Variants in INO80 observed in about 807,000 individuals in gnomAD.
INO80 encodes INO80 complex ATPase subunit, also known as chromatin-remodeling ATPase INO80.
INO80 carries 20 observed loss-of-function variants against 203.4 expected under a neutral mutation model. That is an observed-to-expected ratio of 0.10 (90% CI 0.07 to 0.14). The LOEUF (loss-of-function observed/expected upper bound fraction) is 0.14, where lower values mean the gene tolerates loss of function less well. Among genes scored for constraint, INO80 ranks in the 10% least tolerant of loss-of-function variants. The pLI is 1.00. For synonymous variants in INO80, 726 were observed against 685.2 expected, an observed-to-expected ratio of 1.06 and a Z score of -0.93; for missense variants, 1,419 against 1,914.4, an observed-to-expected ratio of 0.74 and a Z score of 4.83.
intron 25 of INO80, among the ~76,000 whole-genome samples, chr15:41,025,691 G>A (rs891589820): frequency 2.0e-5 from 3 of 152,022 alleles, no homozygotes; most frequent in Admixed American, 2.0e-4. Flanking sequence ...CTCCAGCCTG[G>A]GTGAGAGAGC....
At position 41,047,402 on chromosome 15, in the gene INO80, T is replaced by C. The variant is rs1403650739; in HGVS notation, c.2735+6A>G. 1 of 1,606,128 alleles carries C rather than the reference T, an allele frequency of 6.2e-7. No homozygotes were observed. Among genetic ancestry groups the C allele is most frequent in the Non-Finnish European group, 8.5e-7 (1 of 1,173,284 alleles). On this transcript the variant is annotated splice_donor_region_variant and intron_variant, in intron 23 of 35. Transcript: ENST00000648947. ...CCTCTTATCAAGCAATAAGCAAACC[T>C]CTCACCTGGCCAAAAGTCCCTGAAG...
intron 1 of INO80, among the ~76,000 whole-genome samples, chr15:41,100,534 A>G (rs574362060): frequency 2.0e-5 from 3 of 152,306 alleles, no homozygotes; most frequent in Admixed American, 6.5e-5. Flanking sequence ...CAACTGATTC[A>G]TCCCAGAAAT....
intron 1 of INO80, among the ~76,000 whole-genome samples, chr15:41,102,107 C>T (rs756464214): frequency 1.2e-4 from 18 of 152,026 alleles, no homozygotes; most frequent in Non-Finnish European, 2.6e-4. Flanking sequence ...AGGAGAATCG[C>T]TTGAACCTGG....
chr15:41,107,747 C>T (rs1450131052), intron 1 of INO80, among the ~76,000 whole-genome samples: 1 of 152,080 alleles, frequency 6.6e-6, no homozygotes, highest in Non-Finnish European at 1.5e-5. Flanking sequence ...TGGCAGTGAG[C>T]TGAGACCATG....
Position 41,084,174 on chromosome 15 carries a change from T to C in INO80, c.873+1195A>G, listed in dbSNP as rs530794388. 2.2e-4 allele frequency among the ~76,000 whole-genome samples: 34 copies of C among 151,668 alleles called. 1 individual carries two copies. The highest frequency in any genetic ancestry group is 7.8e-4 in the African/African-American group (32 of 41,184). The stretch of plus-strand genomic sequence containing the variant: ...TCACTTAAGGGTAAACAGACATTCC[T>C]TGGACTATAATTGCAACTTCTTTAA... On this transcript the variant is annotated intron_variant, in intron 7 of 35. Transcript: ENST00000648947.
intron 1 of INO80, among the ~76,000 whole-genome samples, chr15:41,098,685 G>C (rs939288860): frequency 1.3e-5 from 2 of 151,912 alleles, no homozygotes; most frequent in African/African-American, 4.8e-5. Flanking sequence ...ATGAAGACAA[G>C]CCACAGACTA....
At chr15:41,010,368 C>G (rs1327975798) in intron 27 of INO80, among the ~76,000 whole-genome samples, 5 of 151,988 alleles carry the variant, frequency 3.3e-5, no homozygotes, top group Non-Finnish European at 7.4e-5. Flanking sequence ...TCTTCATGAT[C>G]TGTTCTGTAA....
intron 19 of INO80, among the ~76,000 whole-genome samples, chr15:41,050,402 G>A (rs774341392): frequency 6.6e-6 from 1 of 152,070 alleles, no homozygotes; most frequent in East Asian, 1.9e-4. Context: ...ACATAACCCA[G>A]GCCAGTACCT....
At position 41,013,071 on chromosome 15, in the gene INO80, CATA is replaced by C. The variant is rs2044154391; in HGVS notation, c.3402+3014_3402+3016del. On this transcript the variant is annotated intron_variant, in intron 27 of 35. Transcript: ENST00000648947. ...CAGACAGCCAGCCATGGCTAAGGCACATAACAACAACAACAACAACAACAACAA... is the reference window on the plus strand; with the variant it reads ...CAGACAGCCAGCCATGGCTAAGGCACACAACAACAACAACAACAACAACAA... 3 of 44,742 alleles carry C rather than the reference CATA, an allele frequency of 6.7e-5. No homozygotes were observed. The Admixed American group carries it at 9.5e-4, about 14-fold the overall frequency. 2.8% of individuals were successfully genotyped at this position (44,742 alleles called of 1,614,324 possible).
chr15:41,026,081 A>G (rs1351091661), intron 25 of INO80, among the ~76,000 whole-genome samples: 2 of 152,258 alleles, frequency 1.3e-5, no homozygotes, highest in Non-Finnish European at 2.9e-5. Flanking sequence ...CATATAGCAC[A>G]GGAGCAGCAG....
intron 24 of INO80, among the ~76,000 whole-genome samples, chr15:41,035,901 G>C (rs2044565480): frequency 6.7e-6 from 1 of 149,744 alleles, no homozygotes; most frequent in Non-Finnish European, 1.5e-5. Context: ...GGCCAAGGTG[G>C]GCAGATCACT....
At chr15:41,087,840 T>C (rs1186274981) in intron 5 of INO80, among the ~76,000 whole-genome samples, 158 bp from the exon 6 acceptor site, 1 of 152,122 alleles carries the variant, frequency 6.6e-6, no homozygotes, top group Non-Finnish European at 1.5e-5. Flanking sequence ...AGGGAATCAC[T>C]TACTTAACTT....
In INO80 at chr15:41,070,919, G is replaced by A. The variant is rs146315284; in HGVS notation, c.1606-372C>T. 8.7e-4 allele frequency among the ~76,000 whole-genome samples: 132 copies of A among 152,294 alleles called. 2 individuals are homozygous for A. The South Asian group carries it at 0.024, about 28-fold the overall frequency. ...GGGTGCAGTGGCTCATGCCCGTCCC[G>A]GCACTTTGGGAGGCCGAGGCAGGCA... On this transcript the variant is annotated intron_variant, in intron 12 of 35. Transcript: ENST00000648947.
intron 24 of INO80, among the ~76,000 whole-genome samples, chr15:41,042,268 C>T (rs1317171836): frequency 2.6e-5 from 4 of 151,962 alleles, no homozygotes; most frequent in Admixed American, 2.6e-4. Flanking sequence ...CCCACCTCAT[C>T]CTCCCCAAGT....
intron 1 of INO80, among the ~76,000 whole-genome samples, chr15:41,112,911 G>C (rs940245000): frequency 2.0e-5 from 3 of 150,190 alleles, no homozygotes; most frequent in Non-Finnish European, 4.4e-5. Flanking sequence ...TATATTTCAT[G>C]TGTATTTTGT....
At chr15:41,081,204 T>A (rs916323980) in intron 7 of INO80, 131 bp from the exon 8 acceptor site, 2 of 609,024 alleles carry the variant, frequency 3.3e-6, no homozygotes, top group Non-Finnish European at 5.8e-6. Flanking sequence ...ATTACTTCTA[T>A]AAGTCATCCA....
chr15:41,059,820 T>C (rs776504509), intron 15 of INO80, 47 bp downstream of exon 15: 2 of 1,194,802 alleles, frequency 1.7e-6, no homozygotes, highest in Non-Finnish European at 2.4e-6. Context: ...AGAGAAATAA[T>C]GACTGCATGT....
At chr15:40,984,122 C>G in intron 33 of INO80, 75 bp downstream of exon 33, 2 of 1,492,054 alleles carry the variant, frequency 1.3e-6, no homozygotes, top group Non-Finnish European at 1.8e-6. Flanking sequence ...GCAAAGACTG[C>G]CCAGCAGTGT....
chr15:41,028,462 C>G (rs929069128), intron 24 of INO80, among the ~76,000 whole-genome samples: 21 of 152,192 alleles, frequency 1.4e-4, no homozygotes, highest in African/African-American at 4.8e-4. Flanking sequence ...TTCTTTAAGG[C>G]AGTTTAGCAC....
Sources: gnomAD v4.1 joint callset for allele counts (sites outside exome capture counted in the v4.1 genomes callset) on GRCh38, gnomAD v4.1.1 for gene constraint, MANE v1.5 for transcripts, NCBI Gene and HGNC (gene_info 2026-07-23, HGNC 2026-07-21) for gene names.